Variants in DENND1B observed in about 807,000 individuals in gnomAD.
DENND1B encodes DENN domain-containing protein 1B.
In DENND1B, 59 loss-of-function variants were observed where a neutral mutation model predicts 90.1. That is an observed-to-expected ratio of 0.65 (90% confidence interval 0.53 to 0.81). The LOEUF (loss-of-function observed/expected upper bound fraction) is 0.81, where lower values mean the gene tolerates loss of function less well. DENND1B is among the 40% of genes least tolerant of loss of function. DENND1B has a pLI of 0.00. For synonymous variants in DENND1B, 337 were observed against 324.6 expected, an observed-to-expected ratio of 1.04 and a Z score of -0.41; for missense variants, 862 against 912.6, an observed-to-expected ratio of 0.94 and a Z score of 0.71.
chr1:197,725,228 G>A (rs1325250987), intron 2 of DENND1B, among the ~76,000 whole-genome samples: 1 of 152,024 alleles, frequency 6.6e-6, no homozygotes, highest in Non-Finnish European at 1.5e-5. Context: ...GAGAAAAGAG[G>A]TAAGTAGAAA....
At chr1:197,663,279 G>A (rs1654603032) in intron 5 of DENND1B, among the ~76,000 whole-genome samples, 1 of 152,064 alleles carries the variant, frequency 6.6e-6, no homozygotes, top group African/African-American at 2.4e-5. Flanking sequence ...TATAAACAAT[G>A]CTCTCTTTGT....
intron 2 of DENND1B, among the ~76,000 whole-genome samples, chr1:197,763,450 A>G (rs1420327964): frequency 6.6e-6 from 1 of 152,174 alleles, no homozygotes; most frequent in Admixed American, 6.6e-5. Context: ...TATCAGTTTA[A>G]CAATCCAACA....
chr1:197,591,951 A>C (rs1675251544), intron 14 of DENND1B, among the ~76,000 whole-genome samples: 1 of 151,994 alleles, frequency 6.6e-6, no homozygotes, highest in Admixed American at 6.6e-5. Context: ...TCTACTAAAA[A>C]TACAAAAATT....
intron 3 of DENND1B, among the ~76,000 whole-genome samples, chr1:197,684,603 G>A (rs918492917): frequency 2.6e-5 from 4 of 152,114 alleles, no homozygotes; most frequent in Non-Finnish European, 4.4e-5. Flanking sequence ...CATAACAAAT[G>A]TGAGTCTTAT....
chr1:197,544,872 GA>G (rs1286024655), intron 18 of DENND1B, among the ~76,000 whole-genome samples: 17 of 57,242 alleles, frequency 3.0e-4, no homozygotes, highest in South Asian at 1.3e-3. Context: ...GGAGGAGAAG[GA>G]GATGAAGAGG....
chr1:197,566,998 T>C (rs1672729191), intron 15 of DENND1B, among the ~76,000 whole-genome samples: 1 of 151,930 alleles, frequency 6.6e-6, no homozygotes. Flanking sequence ...AAGACAGAAA[T>C]AGTGACAGTA....
chr1:197,535,805 G>A (rs1182681999), intron 20 of DENND1B, among the ~76,000 whole-genome samples: 1 of 152,050 alleles, frequency 6.6e-6, no homozygotes, highest in African/African-American at 2.4e-5. Flanking sequence ...ATTAATGCCT[G>A]GTCCAAGTGA....
At chr1:197,580,180 C>T (rs1674091333) in intron 15 of DENND1B, among the ~76,000 whole-genome samples, 1 of 147,364 alleles carries the variant, frequency 6.8e-6, no homozygotes, top group African/African-American at 2.5e-5. Context: ...CAAGCTCCTC[C>T]TCCCAGGTAC....
At chr1:197,512,073 T>C (rs2125592912) in intron 21 of DENND1B, 129 bp from the exon 22 acceptor site, 1 of 663,602 alleles carries the variant, frequency 1.5e-6, no homozygotes, top group Non-Finnish European at 2.5e-6. Context: ...CATCACCAAA[T>C]TCTTTACCGT....
At chr1:197,741,074 A>G (rs898724970) in intron 2 of DENND1B, among the ~76,000 whole-genome samples, 9 of 152,198 alleles carry the variant, frequency 5.9e-5, no homozygotes, top group African/African-American at 2.2e-4. Context: ...AAAGAAAAAA[A>G]GACTATTTTC....
intron 10 of DENND1B, among the ~76,000 whole-genome samples, chr1:197,627,357 T>C (rs552540511): frequency 2.0e-5 from 3 of 152,286 alleles, no homozygotes; most frequent in Admixed American, 6.5e-5. Context: ...ATCCCTGATA[T>C]GCCAGGCTGG....
chr1:197,683,164 T>C (rs967193438), intron 3 of DENND1B, among the ~76,000 whole-genome samples: 15 of 152,278 alleles, frequency 9.9e-5, no homozygotes, highest in African/African-American at 3.4e-4. Context: ...GGTTACACAG[T>C]TGTATGCATA....
intron 2 of DENND1B, among the ~76,000 whole-genome samples, chr1:197,760,267 T>C (rs938641915): frequency 2.0e-5 from 3 of 152,182 alleles, no homozygotes; most frequent in African/African-American, 7.2e-5. Flanking sequence ...GAAAATTTGA[T>C]ATGAATGCCA....
chr1:197,564,615 T>C (rs910905631), intron 15 of DENND1B, among the ~76,000 whole-genome samples: 1 of 151,952 alleles, frequency 6.6e-6, no homozygotes, highest in Non-Finnish European at 1.5e-5. Context: ...ATTCACTTTA[T>C]TGTAGTGGTC....
the DENND1B span, among the ~76,000 whole-genome samples, chr1:197,780,918 C>A: frequency 2.0e-5 from 3 of 152,186 alleles, no homozygotes; most frequent in Admixed American, 6.5e-5. Flanking sequence ...AAGTTCAGGG[C>A]TTTTAGTGAG....
intron 3 of DENND1B, among the ~76,000 whole-genome samples, chr1:197,707,900 G>T (rs1243265624): frequency 6.0e-5 from 9 of 150,866 alleles, no homozygotes. Flanking sequence ...GCAGGGCGAG[G>T]CATTGCCTCA....
At chr1:197,700,738 A>T (rs1658940648) in intron 3 of DENND1B, among the ~76,000 whole-genome samples, 3 of 152,166 alleles carry the variant, frequency 2.0e-5, no homozygotes, top group Admixed American at 2.0e-4. Flanking sequence ...ACTTAAACAA[A>T]TTTACAAGAA....
At chr1:197,691,973 T>C (rs575737971) in intron 3 of DENND1B, among the ~76,000 whole-genome samples, 1 of 151,952 alleles carries the variant, frequency 6.6e-6, no homozygotes, top group South Asian at 2.1e-4. Flanking sequence ...TAGAGAGAAA[T>C]GGCAAGTTGC....
At chr1:197,779,379 A>G (rs1433696382), upstream of DENND1B, among the ~76,000 whole-genome samples, 1 of 152,108 alleles carries the variant, frequency 6.6e-6, no homozygotes, top group East Asian at 1.9e-4. Flanking sequence ...TTCACTGTGA[A>G]GTATCTAGGT....
Sources: gnomAD v4.1 joint callset for allele counts (sites outside exome capture counted in the v4.1 genomes callset) on GRCh38, gnomAD v4.1.1 for gene constraint, MANE v1.5 for transcripts, NCBI Gene and HGNC (gene_info 2026-07-23, HGNC 2026-07-21) for gene names.